EYS: variants seen among roughly 807,000 people sequenced by gnomAD.
EYS encodes protein eyes shut homolog.
In EYS, 250 loss-of-function variants were observed where a neutral mutation model predicts 282.1. The ratio of observed to expected loss-of-function variants is 0.89; its 90% CI spans 0.80 to 0.98. The LOEUF (loss-of-function observed/expected upper bound fraction) is 0.98. Among genes scored for constraint, EYS ranks in the 50% least tolerant of loss-of-function variants. EYS has a pLI of 0.00. For missense variants in EYS, 4,016 were observed against 3,709.0 expected, an observed-to-expected ratio of 1.08 and a Z score of -2.15; for synonymous variants, 1,355 against 1,282.9, an observed-to-expected ratio of 1.06 and a Z score of -1.20.
At chr6:63,955,371 G>A (rs183273191) in intron 35 of EYS, among the ~76,000 whole-genome samples, 95 of 152,226 alleles carry the variant, frequency 6.2e-4, no homozygotes, top group African/African-American at 2.2e-3. Flanking sequence ...CCACCCATAA[G>A]TCTCTCTTAA....
chr6:64,140,636 C>T (rs1774310735), intron 31 of EYS, among the ~76,000 whole-genome samples: 1 of 152,162 alleles, frequency 6.6e-6, no homozygotes, highest in African/African-American at 2.4e-5. Flanking sequence ...ATCACGTCCC[C>T]TGCTAGGTTG....
intron 33 of EYS, among the ~76,000 whole-genome samples, chr6:64,018,933 C>G (rs987717173): frequency 2.0e-5 from 3 of 151,838 alleles, no homozygotes; most frequent in African/African-American, 7.3e-5. Flanking sequence ...TGCCATCATG[C>G]CTGGTTAATT....
intron 22 of EYS, among the ~76,000 whole-genome samples, chr6:64,635,268 A>G (rs141610844): frequency 0.027 from 4,077 of 152,250 alleles, 197 homozygotes; most frequent in African/African-American, 0.093. Context: ...GTCATCTGCA[A>G]CAGGGACAAT....
chr6:63,910,597 C>T (rs997030178), intron 35 of EYS, among the ~76,000 whole-genome samples: 2 of 152,050 alleles, frequency 1.3e-5, no homozygotes, highest in South Asian at 4.1e-4. Flanking sequence ...GGTTTTACTG[C>T]CATTGGTCTT....
At chr6:64,498,470 TTTTAA>T in intron 26 of EYS, among the ~76,000 whole-genome samples, 1 of 152,202 alleles carries the variant, frequency 6.6e-6, no homozygotes, top group Non-Finnish European at 1.5e-5. Context: ...TCATTTTTTT[TTTTAA>T]TTTAAGTTCT....
At chr6:64,661,041 A>T (rs1490484335) in intron 22 of EYS, among the ~76,000 whole-genome samples, 1 of 152,216 alleles carries the variant, frequency 6.6e-6, no homozygotes, top group African/African-American at 2.4e-5. Context: ...AAACAGAGAT[A>T]TAGACCAATG....
At chr6:64,111,004 G>A (rs534124535) in intron 31 of EYS, among the ~76,000 whole-genome samples, 18 of 152,134 alleles carry the variant, frequency 1.2e-4, no homozygotes, top group African/African-American at 4.3e-4. Context: ...CTGCACAGTA[G>A]TAGATTTTTG....
At chr6:64,647,899 T>C (rs1172799044) in intron 22 of EYS, among the ~76,000 whole-genome samples, 1 of 149,322 alleles carries the variant, frequency 6.7e-6, no homozygotes, top group Non-Finnish European at 1.5e-5. Context: ...CCTTCATGAA[T>C]AAATAAATGG....
chr6:64,128,628 A>G (rs1225907827), intron 31 of EYS, among the ~76,000 whole-genome samples: 1 of 152,224 alleles, frequency 6.6e-6, no homozygotes, highest in Non-Finnish European at 1.5e-5. Context: ...GTTCTATAAC[A>G]GAACTTATTT....
At chr6:65,410,964 T>G (rs1321658832) in intron 5 of EYS, among the ~76,000 whole-genome samples, 4 of 152,012 alleles carry the variant, frequency 2.6e-5, no homozygotes, top group Non-Finnish European at 5.9e-5. Flanking sequence ...TTTATTTTAT[T>G]TAAAAGAAAC....
At chr6:65,086,186 C>A (rs377057592) in intron 12 of EYS, among the ~76,000 whole-genome samples, 1 of 152,066 alleles carries the variant, frequency 6.6e-6, no homozygotes, top group Admixed American at 6.6e-5. Flanking sequence ...CATAGTGGCA[C>A]ATGCCTATAA....
At chr6:65,492,294 T>C (rs1048624780) in intron 4 of EYS, among the ~76,000 whole-genome samples, 2 of 145,852 alleles carry the variant, frequency 1.4e-5, no homozygotes, top group South Asian at 4.3e-4. Context: ...CCTATGGCTG[T>C]AAGAAAGAGA....
chr6:64,939,195 T>G (rs12525406), intron 15 of EYS, among the ~76,000 whole-genome samples: 62,426 of 151,568 alleles, frequency 0.41, 15,958 homozygotes, highest in Non-Finnish European at 0.57. Context: ...ATACATTATC[T>G]TTATAATCAC....
Position 63,954,622 on chromosome 6 carries a change from G to C in EYS, c.7055+29761C>G, listed in dbSNP as rs143158323. On this transcript the variant is annotated intron_variant, in intron 35 of 42. Transcript: ENST00000503581. ...ATCAGATGCCATCATTCAGGGTAAC[G>C]CTTATGCTGATAAGGTAGCTAAAAA... 1.5e-3 allele frequency among the ~76,000 whole-genome samples: 234 copies of C among 152,202 alleles called. 1 individual carries two copies. The highest frequency in any genetic ancestry group is 5.4e-3 in the African/African-American group (224 of 41,552).
intron 30 of EYS, among the ~76,000 whole-genome samples, chr6:64,266,408 C>A (rs1347083579): frequency 6.6e-6 from 1 of 151,870 alleles, no homozygotes; most frequent in Non-Finnish European, 1.5e-5. Flanking sequence ...TAAAAAAACC[C>A]GAGTGAGTAA....
At chr6:65,154,500 A>G (rs984474441) in intron 12 of EYS, among the ~76,000 whole-genome samples, 6 of 151,736 alleles carry the variant, frequency 4.0e-5, no homozygotes, top group African/African-American at 1.4e-4. Flanking sequence ...AATTACTATG[A>G]CAGATCCGAT....
At chr6:65,416,756 G>A (rs1767257121) in intron 5 of EYS, among the ~76,000 whole-genome samples, 1 of 151,866 alleles carries the variant, frequency 6.6e-6, no homozygotes. Flanking sequence ...GTTCGTTTTA[G>A]TCTACTTTCC....
intron 15 of EYS, among the ~76,000 whole-genome samples, chr6:64,927,968 T>C (rs1305322555): frequency 6.6e-6 from 1 of 152,024 alleles, no homozygotes; most frequent in African/African-American, 2.4e-5. Context: ...GGAAATGAAC[T>C]GTGAATGGGG....
chr6:64,990,113 T>G (rs1325972854), intron 14 of EYS, among the ~76,000 whole-genome samples: 1 of 151,494 alleles, frequency 6.6e-6, no homozygotes, highest in East Asian at 1.9e-4. Flanking sequence ...ATGAGGTGGT[T>G]AGAAATAAAC....
Sources: gnomAD v4.1 joint callset for allele counts (sites outside exome capture counted in the v4.1 genomes callset) on GRCh38, gnomAD v4.1.1 for gene constraint, MANE v1.5 for transcripts, NCBI Gene and HGNC (gene_info 2026-07-23, HGNC 2026-07-21) for gene names.